Variants in KRT8 observed in about 807,000 individuals in gnomAD.
KRT8 encodes the protein keratin 8.
Under a neutral mutation model 43.0 loss-of-function variants are expected in KRT8, and 24 were observed. That is an observed-to-expected ratio of 0.56 (90% CI 0.40 to 0.78). The LOEUF is 0.78. Among genes scored for constraint, KRT8 ranks in the 30% least tolerant of loss-of-function variants. The probability of loss-of-function intolerance (pLI) is 0.00; values close to 1 mark genes in which losing one functional copy is unlikely to be tolerated. For missense variants in KRT8, 492 were observed against 638.4 expected (o/e 0.77, Z 2.47); for synonymous variants, 214 against 261.2 (o/e 0.82, Z 1.74).
At chr12:52,938,772 C>T (rs1300725860) in intron 2 of KRT8, among the ~76,000 whole-genome samples, 1 of 152,154 alleles carries the variant, frequency 6.6e-6, no homozygotes, top group East Asian at 1.9e-4. Context: ...TGCCTGCCAC[C>T]AGTCCCGGTT....
intron 2 of KRT8, among the ~76,000 whole-genome samples, chr12:52,912,142 T>C (rs571125718): frequency 6.6e-6 from 1 of 152,332 alleles, no homozygotes; most frequent in East Asian, 1.9e-4. Context: ...GGGCAAGGTC[T>C]GAGGGAAAGG....
chr12:52,912,022 C>T (rs1290357981), upstream of KRT8, among the ~76,000 whole-genome samples: 1 of 152,142 alleles, frequency 6.6e-6, no homozygotes, highest in Non-Finnish European at 1.5e-5. Context: ...GAGTGAGACA[C>T]TGTCTCAAAA....
chr12:52,905,118 GA>G (rs1941485062), upstream of KRT8: 10 of 1,439,566 alleles, frequency 6.9e-6, no homozygotes, highest in African/African-American at 1.4e-5. Flanking sequence ...GGATGGGGGG[GA>G]AAGGCCTCGT....
At chr12:52,928,057 T>TCAAAAA (rs750146245) in intron 2 of KRT8, among the ~76,000 whole-genome samples, 19 of 152,056 alleles carry the variant, frequency 1.2e-4, no homozygotes, top group Non-Finnish European at 2.2e-4. Flanking sequence ...AGACTCTGTC[T>TCAAAAA]CAAAAACAAA....
At chr12:52,923,286 A>G (rs1290428020) in intron 2 of KRT8, among the ~76,000 whole-genome samples, 1 of 152,260 alleles carries the variant, frequency 6.6e-6, no homozygotes, top group Non-Finnish European at 1.5e-5. Flanking sequence ...GAAATCAAAT[A>G]GCCTGTGTTC....
At chr12:52,944,113 T>C (rs1015375227) in intron 2 of KRT8, among the ~76,000 whole-genome samples, 1 of 152,152 alleles carries the variant, frequency 6.6e-6, no homozygotes. Flanking sequence ...GCCAAAGCTC[T>C]TCCAGGCACG....
upstream of KRT8, among the ~76,000 whole-genome samples, chr12:52,907,248 G>A (rs182801839): frequency 9.3e-4 from 142 of 152,214 alleles, no homozygotes; most frequent in African/African-American, 3.2e-3. Flanking sequence ...ACAAACACCC[G>A]CACCCACCAG....
At chr12:52,923,557 C>G (rs899158449) in intron 2 of KRT8, among the ~76,000 whole-genome samples, 1 of 148,252 alleles carries the variant, frequency 6.7e-6, no homozygotes, top group East Asian at 2.1e-4. Context: ...GTAGCTGGGA[C>G]TACAGGCGCC....
At chr12:52,923,947 C>T (rs111345606) in intron 2 of KRT8, among the ~76,000 whole-genome samples, 47,348 of 150,074 alleles carry the variant, frequency 0.32, 7,758 homozygotes, top group Middle Eastern at 0.41. Flanking sequence ...CGGGTTCAAG[C>T]GATTCTCCTG....
chr12:52,915,849 G>A (rs1028079505), intron 2 of KRT8, among the ~76,000 whole-genome samples: 12 of 152,298 alleles, frequency 7.9e-5, no homozygotes, highest in African/African-American at 2.2e-4. Context: ...AAAGATATCC[G>A]TGTACACACC....
At chr12:52,920,851 C>T (rs1941869574) in intron 2 of KRT8, among the ~76,000 whole-genome samples, 1 of 152,186 alleles carries the variant, frequency 6.6e-6, no homozygotes, top group Non-Finnish European at 1.5e-5. Flanking sequence ...CCAGCCTGGA[C>T]AACCAGCGAC....
At chr12:52,932,544 G>A (rs527247989) in intron 2 of KRT8, among the ~76,000 whole-genome samples, 10 of 151,964 alleles carry the variant, frequency 6.6e-5, no homozygotes, top group East Asian at 1.9e-4. Flanking sequence ...TGTACTGAAC[G>A]TGCTAGCCAG....
At chr12:52,926,332 G>GGCCACC in intron 2 of KRT8, 2 of 600,274 alleles carry the variant, frequency 3.3e-6, no homozygotes, top group Non-Finnish European at 6.1e-6. Flanking sequence ...GGCACTAGCT[G>GGCCACC]CCCTCCCCAC....
intron 3 of KRT8, 119 bp from the exon 4 acceptor site, chr12:52,900,802 T>A: frequency 1.4e-6 from 1 of 731,086 alleles, no homozygotes; most frequent in Non-Finnish European, 2.5e-6. Context: ...ACTTTGTGGA[T>A]TGATCTTCCA....
At chr12:52,918,482 C>T (rs1474055769) in intron 2 of KRT8, among the ~76,000 whole-genome samples, 6 of 152,154 alleles carry the variant, frequency 3.9e-5, no homozygotes, top group African/African-American at 1.4e-4. Flanking sequence ...GGCATCTGAG[C>T]CCCGCCAGAC....
chr12:52,931,300 C>A (rs1344546907), intron 2 of KRT8, among the ~76,000 whole-genome samples: 2 of 152,050 alleles, frequency 1.3e-5, no homozygotes, highest in Non-Finnish European at 1.5e-5. Flanking sequence ...ATCTCCTGAC[C>A]TCGTGATCCT....
chr12:52,932,092 CTTTTT>C (rs139882612), intron 2 of KRT8, among the ~76,000 whole-genome samples: 1 of 128,692 alleles, frequency 7.8e-6, no homozygotes, highest in African/African-American at 2.9e-5. Flanking sequence ...GTAAATCATT[CTTTTT>C]TTTTTTTTTT....
rs1369281403 is a variant in KRT8, at chr12:52,927,064, C to T, written c.-46-22037G>A. On this transcript the variant is annotated intron_variant, in intron 2 of 6. Coordinates refer to the KRT8 transcript ENST00000546826. Reference sequence around the variant, plus strand: ...TTTTTCCTATCTTCTGTCCCTTACCCTGGACCCCAAGGATTCCCCCCAAGG... The same window carrying T: ...TTTTTCCTATCTTCTGTCCCTTACCTTGGACCCCAAGGATTCCCCCCAAGG... Among the ~76,000 whole-genome samples, 4 of 152,176 alleles carry T rather than the reference C, an allele frequency of 2.6e-5. No individual in the cohort carries two copies. In the East Asian group the frequency reaches 7.7e-4, roughly 29 times the overall value.
At chr12:52,917,708 C>CAAAAAAAAAAAA (rs535303270) in intron 2 of KRT8, among the ~76,000 whole-genome samples, 1,393 of 29,466 alleles carry the variant, frequency 0.047, 16 homozygotes, top group Admixed American at 0.067. Flanking sequence ...GACTCTGTCT[C>CAAAAAAAAAAAA]AAAAAAAAAA....
Sources: allele counts gnomAD v4.1 joint callset (sites outside exome capture counted in the v4.1 genomes callset), GRCh38; gene constraint gnomAD v4.1.1; transcripts MANE v1.5; gene names NCBI Gene and HGNC (gene_info 2026-07-23, HGNC 2026-07-21).